Variants in TTC7A observed in about 807,000 individuals in gnomAD.
TTC7A encodes tetratricopeptide repeat protein 7A.
In TTC7A, 110 loss-of-function variants were observed where a neutral mutation model predicts 103.7. The observed-to-expected ratio is 1.06, with a 90% confidence interval of 0.91 to 1.24. TTC7A has a LOEUF of 1.24. TTC7A is among the 50% of genes most tolerant of loss of function. TTC7A has a pLI of 0.00. For missense variants in TTC7A, 1,340 were observed against 1,116.3 expected, an observed-to-expected ratio of 1.20 and a Z score of -2.86; for synonymous variants, 521 against 467.9, an observed-to-expected ratio of 1.11 and a Z score of -1.47.
chr2:47,037,637 A>T (rs1429210920), intron 15 of TTC7A, among the ~76,000 whole-genome samples: 1 of 152,214 alleles, frequency 6.6e-6, no homozygotes, highest in Non-Finnish European at 1.5e-5. Context: ...TTCAATAACA[A>T]TAACAATGAT....
At chr2:47,030,144 C>T (rs915480382) in intron 15 of TTC7A, among the ~76,000 whole-genome samples, 5 of 152,250 alleles carry the variant, frequency 3.3e-5, no homozygotes, top group African/African-American at 1.2e-4. Context: ...TAACCCACTT[C>T]CCCCTGTTCC....
At chr2:46,959,425 G>C (rs1200071046) in intron 3 of TTC7A, among the ~76,000 whole-genome samples, 1 of 152,082 alleles carries the variant, frequency 6.6e-6, no homozygotes, top group Admixed American at 6.5e-5. Flanking sequence ...TCAGGGGGTG[G>C]GCAGTCTGGG....
intron 15 of TTC7A, among the ~76,000 whole-genome samples, chr2:47,041,349 C>T (rs925096156): frequency 8.5e-5 from 13 of 152,230 alleles, no homozygotes; most frequent in African/African-American, 3.1e-4. Flanking sequence ...CCTGCAGGCA[C>T]TTGCAGACCA....
chr2:47,042,768 C>T (rs530856328), intron 15 of TTC7A, among the ~76,000 whole-genome samples: 1 of 151,864 alleles, frequency 6.6e-6, no homozygotes, highest in Non-Finnish European at 1.5e-5. Context: ...AGAAGGACAG[C>T]GTGGTCACAT....
chr2:46,969,464 G>A (rs866787323), intron 3 of TTC7A, among the ~76,000 whole-genome samples: 3 of 151,934 alleles, frequency 2.0e-5, no homozygotes, highest in African/African-American at 4.8e-5. Flanking sequence ...CCGAGATCGC[G>A]CCACTGCACT....
chr2:46,946,073 G>T (rs886972420), intron 1 of TTC7A, among the ~76,000 whole-genome samples: 1 of 152,196 alleles, frequency 6.6e-6, no homozygotes, highest in Non-Finnish European at 1.5e-5. Flanking sequence ...TCTTGGAGAG[G>T]CCGGGAGGGG....
chr2:47,047,744 C>T (rs907179070), intron 16 of TTC7A, among the ~76,000 whole-genome samples: 1 of 152,246 alleles, frequency 6.6e-6, no homozygotes, highest in East Asian at 1.9e-4. Flanking sequence ...CATTGAAGAC[C>T]TGGCCTATGC....
upstream of TTC7A, among the ~76,000 whole-genome samples, chr2:46,940,732 C>G (rs781730040): frequency 2.0e-5 from 3 of 152,200 alleles, no homozygotes; most frequent in Non-Finnish European, 4.4e-5. The surrounding 1 kb of genome is among the most constrained non-coding windows in gnomAD (Gnocchi z 4.7). Flanking sequence ...TCCAGAGAGT[C>G]GCGGGCCTGG....
chr2:46,968,111 C>G (rs961002113), intron 3 of TTC7A, among the ~76,000 whole-genome samples: 2 of 152,176 alleles, frequency 1.3e-5, no homozygotes, highest in Middle Eastern at 3.2e-3. Flanking sequence ...GGGCGGCTGC[C>G]TTGGATGTGA....
chr2:46,941,860 A>T lies in TTC7A; in HGVS notation c.184+135A>T. The stretch of plus-strand genomic sequence containing the variant: ...CACCGTGCTAGTCTTAAGAGCAGCC[A>T]GGGCAGTTAGGAAGGTCCTTCTGCC... On this transcript the variant is annotated intron_variant, in intron 1 of 19. Transcript: ENST00000319190. This position sits in a 1 kb window ranked among gnomAD's most constrained non-coding sequence, Gnocchi z 4.2. The T allele has an allele frequency of 4.3e-6, 5 of 1,156,574 alleles. No homozygotes were observed. The South Asian group carries it at 7.7e-5, about 18-fold the overall frequency. 71.6% of individuals were successfully genotyped at this position (1,156,574 alleles called of 1,614,324 possible).
chr2:46,918,107 G>A (rs1373380082), intron 2 of TTC7A, among the ~76,000 whole-genome samples: 1 of 152,094 alleles, frequency 6.6e-6, no homozygotes, highest in East Asian at 1.9e-4. Flanking sequence ...CTGCCTACTT[G>A]ATGTCTCCAT....
chr2:46,956,043 G>A (rs1417139257), intron 2 of TTC7A, among the ~76,000 whole-genome samples: 3 of 152,222 alleles, frequency 2.0e-5, no homozygotes, highest in African/African-American at 7.2e-5. Context: ...GCACAGCCCA[G>A]GGCCAGCACA....
chr2:46,979,178 T>A (rs1011847386), intron 5 of TTC7A, among the ~76,000 whole-genome samples: 9 of 152,084 alleles, frequency 5.9e-5, no homozygotes, highest in African/African-American at 2.2e-4. Context: ...GAGTGGGCAT[T>A]TCAAGAGGGG....
At chr2:47,068,862 CAAAA>C (rs201835431) in intron 19 of TTC7A, among the ~76,000 whole-genome samples, 8 of 69,794 alleles carry the variant, frequency 1.1e-4, no homozygotes, top group South Asian at 4.1e-4. Flanking sequence ...TCAATTTTTT[CAAAA>C]AAAAAAAAAA....
At chr2:47,036,783 A>G (rs1681155579) in intron 15 of TTC7A, among the ~76,000 whole-genome samples, 2 of 152,234 alleles carry the variant, frequency 1.3e-5, no homozygotes, top group Non-Finnish European at 2.9e-5. Flanking sequence ...GGTTGAGCCT[A>G]GGAAGTTCAG....
intron 1 of TTC7A, among the ~76,000 whole-genome samples, chr2:46,942,337 G>A (rs1462889136): frequency 6.6e-6 from 1 of 152,172 alleles, no homozygotes; most frequent in Admixed American, 6.5e-5. Flanking sequence ...AAAGCACCCT[G>A]ATGTGGCAGC....
chr2:46,985,886 C>T (rs1674960050), intron 5 of TTC7A, among the ~76,000 whole-genome samples: 1 of 152,210 alleles, frequency 6.6e-6, no homozygotes, highest in Non-Finnish European at 1.5e-5. Flanking sequence ...GGTTTCTCAG[C>T]CTCAGTACTG....
At chr2:46,923,610 G>A (rs182770092) in intron 2 of TTC7A, among the ~76,000 whole-genome samples, 1 of 152,252 alleles carries the variant, frequency 6.6e-6, no homozygotes, top group East Asian at 1.9e-4. Context: ...ACTCAGAATT[G>A]ACCAGGTGTG....
intron 18 of TTC7A, among the ~76,000 whole-genome samples, chr2:47,052,484 A>C (rs1015821337): frequency 6.6e-6 from 1 of 152,198 alleles, no homozygotes; most frequent in African/African-American, 2.4e-5. Context: ...AGTGCTCAGC[A>C]AAAGGTGTTT....
Sources: gnomAD v4.1 joint callset for allele counts (sites outside exome capture counted in the v4.1 genomes callset) on GRCh38, gnomAD v4.1.1 for gene constraint, Gnocchi (gnomAD v3.1) non-coding constraint, MANE v1.5 for transcripts, NCBI Gene and HGNC (gene_info 2026-07-23, HGNC 2026-07-21) for gene names.